Variants in VPS53 observed in about 807,000 individuals in gnomAD.
The protein encoded by VPS53 is VPS53 subunit of GARP complex, also known as vacuolar protein sorting-associated protein 53 homolog.
In VPS53, 70 loss-of-function variants were observed where a neutral mutation model predicts 107.0. That is an observed-to-expected ratio of 0.65 (90% CI 0.54 to 0.80). The LOEUF is 0.80. Among genes scored for constraint, VPS53 ranks in the 30% least tolerant of loss-of-function variants. The pLI is 0.00. For missense variants in VPS53, 917 were observed against 1,049.4 expected, an observed-to-expected ratio of 0.87 and a Z score of 1.74; for synonymous variants, 409 against 393.3, an observed-to-expected ratio of 1.04 and a Z score of -0.47.
chr17:641,023 T>G (rs1970406745), intron 7 of VPS53, among the ~76,000 whole-genome samples: 1 of 151,952 alleles, frequency 6.6e-6, no homozygotes, highest in South Asian at 2.1e-4. Context: ...CCTGGCTAAT[T>G]TTTTGTATTT....
At chr17:670,153 C>T (rs983052448) in intron 4 of VPS53, among the ~76,000 whole-genome samples, 5 of 152,054 alleles carry the variant, frequency 3.3e-5, no homozygotes, top group Admixed American at 6.6e-5. Flanking sequence ...TATAAAGCGG[C>T]GACTGTGTTT....
chr17:688,853 C>T (rs914987604), intron 4 of VPS53, among the ~76,000 whole-genome samples: 9 of 152,218 alleles, frequency 5.9e-5, no homozygotes, highest in Admixed American at 2.0e-4. Flanking sequence ...TCACGGTGTT[C>T]AGGGCACTCC....
At chr17:623,779 G>T in intron 10 of VPS53, 105 bp from the exon 11 acceptor site, 1 of 1,277,896 alleles carries the variant, frequency 7.8e-7, no homozygotes, top group South Asian at 1.7e-5. Context: ...AAATGTATGT[G>T]GTCATTTCAA....
chr17:662,420 T>C (rs1200846649), intron 4 of VPS53, among the ~76,000 whole-genome samples: 1 of 152,204 alleles, frequency 6.6e-6, no homozygotes, highest in Non-Finnish European at 1.5e-5. Context: ...CCGGACACAG[T>C]GGCTCACGCC....
intron 13 of VPS53, among the ~76,000 whole-genome samples, chr17:566,203 CA>C (rs1003234136): frequency 0.024 from 1,362 of 57,294 alleles, 17 homozygotes; most frequent in African/African-American, 0.056. Context: ...GACTCCGTCT[CA>C]AAAAAAAAAA....
At chr17:671,171 C>T (rs1289289754) in intron 4 of VPS53, among the ~76,000 whole-genome samples, 3 of 151,548 alleles carry the variant, frequency 2.0e-5, no homozygotes, top group African/African-American at 7.3e-5. Flanking sequence ...GTGGAGGTTG[C>T]AGTGAGCCAA....
rs150399407 is a variant in VPS53, at chr17:517,838, G to A, written c.*1290C>T. ...ACCCAGCCAATTTTTTGTATTTTTG[G>A]TTTTGCCAGGTTGCCCAGACTGGTC... is the stretch of plus-strand genomic sequence containing the variant. On this transcript the variant is annotated 3_prime_UTR_variant, in exon 22 of 22. Coordinates refer to ENST00000437048, the MANE Select transcript of VPS53 (RefSeq NM_001128159.3). The A allele has an allele frequency of 3.1e-3, 495 of 158,492 alleles. 5 individuals are homozygous for A. The highest frequency in any genetic ancestry group is 6.4e-3 in the African/African-American group (266 of 41,808). The allele number at this position is 158,492 out of a possible 1,614,324, so 9.8% of individuals were successfully genotyped here. A position where few individuals can be genotyped will look rare whatever the true frequency, so the allele number is the denominator to read the frequency against.
rs555604014 is a variant in VPS53 at position 547,022 on chromosome 17, G to A, written c.1866+4850C>T. Reference sequence around the variant, plus strand: ...CCCAAGTAGCTGGGATTACAGGCACGCACGCTACCACACCCGGCTAATTTT... The same window carrying A: ...CCCAAGTAGCTGGGATTACAGGCACACACGCTACCACACCCGGCTAATTTT... On this transcript the variant is annotated intron_variant, in intron 17 of 21. Coordinates refer to ENST00000437048, the MANE Select transcript of VPS53 (RefSeq NM_001128159.3). Among the ~76,000 whole-genome samples, 5 of 151,972 alleles carry A rather than the reference G, an allele frequency of 3.3e-5. No individual in the cohort carries two copies. In the South Asian group the frequency reaches 8.3e-4, roughly 25 times the overall value.
chr17:650,434 T>C (rs775451378), intron 7 of VPS53, among the ~76,000 whole-genome samples: 7 of 152,042 alleles, frequency 4.6e-5, no homozygotes, highest in Non-Finnish European at 7.4e-5. Context: ...GAGTTCCAGG[T>C]TGCAGTGAGC....
At chr17:617,255 A>G (rs972492153) in intron 11 of VPS53, among the ~76,000 whole-genome samples, 2 of 152,116 alleles carry the variant, frequency 1.3e-5, no homozygotes, top group African/African-American at 4.8e-5. Context: ...AGTGCCACAT[A>G]TATCTACGCT....
intron 6 of VPS53, among the ~76,000 whole-genome samples, chr17:654,736 C>CAAAAAAAA (rs35308893): frequency 6.4e-4 from 43 of 67,202 alleles, no homozygotes; most frequent in African/African-American, 1.0e-3. Flanking sequence ...GACTCCAACT[C>CAAAAAAAA]AAAAAAAAAA....
At chr17:658,328 G>C (rs1288181935) in intron 5 of VPS53, among the ~76,000 whole-genome samples, 2 of 141,796 alleles carry the variant, frequency 1.4e-5, no homozygotes, top group Non-Finnish European at 1.6e-5. Context: ...GAGACACTCG[G>C]CCGTGAGTTC....
intron 13 of VPS53, among the ~76,000 whole-genome samples, chr17:568,941 T>A (rs1284044414): frequency 6.6e-6 from 1 of 152,212 alleles, no homozygotes; most frequent in South Asian, 2.1e-4. Context: ...CACGTATGTT[T>A]ATACACACAT....
chr17:557,915 A>C (rs1044381546), intron 15 of VPS53, among the ~76,000 whole-genome samples: 1 of 144,884 alleles, frequency 6.9e-6, no homozygotes, highest in Non-Finnish European at 1.5e-5. Context: ...GCTGGAGTGC[A>C]GTGGTGTGAT....
rs118098944 is a variant in VPS53, at chr17:574,218, T to C, written c.1314-11473A>G. On this transcript the variant is annotated intron_variant, in intron 13 of 21. Transcript: ENST00000437048. Reference sequence around the variant, plus strand: ...GCAGTATCTGCTCCTTCCTTAGTGCTGCGGAAACTTCCTAGTGAGGCCAAA... The same window carrying C: ...GCAGTATCTGCTCCTTCCTTAGTGCCGCGGAAACTTCCTAGTGAGGCCAAA... Among the ~76,000 whole-genome samples the C allele has an allele frequency of 5.8e-3, 890 of 152,310 alleles. 8 individuals carry two copies. Among genetic ancestry groups the C allele is most frequent in the Non-Finnish European group, 8.7e-3 (592 of 68,028 alleles).
At chr17:689,754 G>T (rs112467264) in intron 4 of VPS53, among the ~76,000 whole-genome samples, 1 of 152,078 alleles carries the variant, frequency 6.6e-6, no homozygotes. Flanking sequence ...GATTACAGGC[G>T]TAAGCTACCA....
At chr17:697,351 T>C in intron 4 of VPS53, 67 bp downstream of exon 4, 1 of 1,345,218 alleles carries the variant, frequency 7.4e-7, no homozygotes, top group Non-Finnish European at 1.1e-6. Context: ...CACATCGACG[T>C]TTTGGTCATC....
intron 13 of VPS53, among the ~76,000 whole-genome samples, chr17:572,794 G>A (rs1233383707): frequency 6.7e-6 from 1 of 149,424 alleles, no homozygotes; most frequent in Non-Finnish European, 1.5e-5. Flanking sequence ...TAAGGGCAGT[G>A]CAAGATGTGC....
intron 12 of VPS53, among the ~76,000 whole-genome samples, chr17:586,931 CA>C (rs1295938464): frequency 6.6e-6 from 1 of 151,952 alleles, no homozygotes; most frequent in Non-Finnish European, 1.5e-5. Context: ...CAATGGTTCC[CA>C]GAATTTTTTG....
Sources: allele counts gnomAD v4.1 joint callset (sites outside exome capture counted in the v4.1 genomes callset), GRCh38; gene constraint gnomAD v4.1.1; transcripts MANE v1.5; gene names NCBI Gene and HGNC (gene_info 2026-07-23, HGNC 2026-07-21).